The following PTPRD variants were observed in gnomAD, a reference collection of about 807,000 sequenced individuals.
PTPRD encodes the protein protein tyrosine phosphatase receptor type D.
In PTPRD, 34 loss-of-function variants were observed where a neutral mutation model predicts 214.5. The ratio of observed to expected loss-of-function variants is 0.16; its 90% confidence interval spans 0.12 to 0.21. The LOEUF (loss-of-function observed/expected upper bound fraction) is 0.21. PTPRD is among the 10% of genes least tolerant of loss of function. The probability of loss-of-function intolerance (pLI) is 1.00; values close to 1 mark genes in which losing one functional copy is unlikely to be tolerated. For missense variants in PTPRD, 2,545 were observed against 2,398.7 expected (o/e 1.06, Z -1.27); for synonymous variants, 1,128 against 845.7 (o/e 1.33, Z -5.79).
rs190166663 is a variant in PTPRD at position 9,244,385 on chromosome 9, T to C, written c.-202-61022A>G. ...GGCATCACACTACCTGACTTCAAAC[T>C]ATGCTACAAGTCTACAGTAACCAAA... On this transcript the variant is annotated intron_variant, in intron 9 of 45. Coordinates refer to ENST00000381196, the MANE Select transcript of PTPRD (RefSeq NM_002839.4). Among the ~76,000 whole-genome samples the C allele has an allele frequency of 6.7e-3, 1,027 of 152,204 alleles. 11 individuals carry two copies. The highest frequency in any genetic ancestry group is 0.023 in the African/African-American group (958 of 41,542).
intron 2 of PTPRD, among the ~76,000 whole-genome samples, chr9:10,608,013 C>A (rs1037445835): frequency 6.6e-6 from 1 of 151,970 alleles, no homozygotes; most frequent in Non-Finnish European, 1.5e-5. Context: ...GGATATTCAA[C>A]CAACTTTGAT....
intron 10 of PTPRD, among the ~76,000 whole-genome samples, chr9:9,054,168 C>A (rs1047307948): frequency 1.2e-4 from 19 of 152,180 alleles, no homozygotes; most frequent in African/African-American, 4.6e-4. Context: ...TCCTATAAGG[C>A]AAGTTCTGTT....
At chr9:8,590,938 C>G (rs2094051554) in intron 14 of PTPRD, among the ~76,000 whole-genome samples, 1 of 152,176 alleles carries the variant, frequency 6.6e-6, no homozygotes, top group Admixed American at 6.5e-5. Flanking sequence ...GTCAGCAGGA[C>G]TGATGTTAGC....
chr9:9,307,285 T>G (rs1957437876), intron 9 of PTPRD, among the ~76,000 whole-genome samples: 1 of 152,148 alleles, frequency 6.6e-6, no homozygotes, highest in African/African-American at 2.4e-5. Flanking sequence ...TAAATTTGGT[T>G]CAGTTTCTCT....
At chr9:9,992,647 G>C (rs1238404656) in intron 4 of PTPRD, among the ~76,000 whole-genome samples, 1 of 152,210 alleles carries the variant, frequency 6.6e-6, no homozygotes, top group Admixed American at 6.5e-5. Context: ...CATGTCCTTT[G>C]TAGGGACATG....
rs150592466 is a variant in PTPRD, at chr9:8,574,375, A to G, written c.353-45596T>C. Among the ~76,000 whole-genome samples the G allele has an allele frequency of 5.6e-3, 850 of 152,068 alleles. 7 individuals are homozygous for G. The highest frequency in any genetic ancestry group is 0.02 in the Middle Eastern group (6 of 294). On this transcript the variant is annotated intron_variant, in intron 14 of 45. Coordinates refer to ENST00000381196, the MANE Select transcript of PTPRD (RefSeq NM_002839.4). ...GTTATTATAATATTGTCCTCTGATA[A>G]AAACATCTGAACATTTTAATTCATG...
chr9:10,205,364 CTTCTT>C (rs1381950874), intron 3 of PTPRD, among the ~76,000 whole-genome samples: 1 of 149,050 alleles, frequency 6.7e-6, no homozygotes, highest in African/African-American at 2.5e-5. Flanking sequence ...AATTCTTCTT[CTTCTT>C]TATTTTATTT....
At chr9:9,592,687 G>A (rs1168382854) in intron 7 of PTPRD, among the ~76,000 whole-genome samples, 1 of 151,944 alleles carries the variant, frequency 6.6e-6, no homozygotes, top group Non-Finnish European at 1.5e-5. Context: ...TAGCCTACAA[G>A]CAAACAGATG....
At chr9:8,337,039 G>T (rs1241501702) in intron 43 of PTPRD, among the ~76,000 whole-genome samples, 1 of 152,134 alleles carries the variant, frequency 6.6e-6, no homozygotes, top group African/African-American at 2.4e-5. Flanking sequence ...AGACAGTTTG[G>T]TGATTCCTCA....
intron 12 of PTPRD, among the ~76,000 whole-genome samples, chr9:8,650,465 C>T (rs1013200776): frequency 4.2e-5 from 6 of 143,922 alleles, no homozygotes; most frequent in East Asian, 2.1e-4. Context: ...GCAGAGGTTG[C>T]GGTGAGCCGA....
chr9:9,463,763 T>C (rs111485697), intron 8 of PTPRD, among the ~76,000 whole-genome samples: 12 of 152,142 alleles, frequency 7.9e-5, no homozygotes, highest in African/African-American at 2.7e-4. Flanking sequence ...ATAGAGCTGA[T>C]ACTTTTCGTT....
intron 5 of PTPRD, among the ~76,000 whole-genome samples, chr9:9,896,677 C>G (rs2075067511): frequency 1.3e-5 from 2 of 151,966 alleles, no homozygotes; most frequent in Admixed American, 1.3e-4. Flanking sequence ...AGCTAACTGA[C>G]TCATGGATTA....
chr9:9,862,444 G>GAAAAC (rs941734862), intron 5 of PTPRD, among the ~76,000 whole-genome samples: 3 of 152,204 alleles, frequency 2.0e-5, no homozygotes, highest in East Asian at 1.9e-4. Context: ...GATATGAAGT[G>GAAAAC]AAAACAAAAC....
chr9:9,965,167 G>A (rs546739105), intron 4 of PTPRD, among the ~76,000 whole-genome samples: 2 of 152,210 alleles, frequency 1.3e-5, no homozygotes, highest in African/African-American at 4.8e-5. Context: ...CTTAAAAATT[G>A]CAAGAATATT....
intron 9 of PTPRD, among the ~76,000 whole-genome samples, chr9:9,223,041 T>C (rs902027600): frequency 3.3e-5 from 5 of 152,150 alleles, no homozygotes; most frequent in Non-Finnish European, 2.9e-5. Context: ...GTTTTAAATC[T>C]GAACTACAAT....
chr9:10,369,429 G>T (rs1452435923), intron 2 of PTPRD, among the ~76,000 whole-genome samples: 1 of 151,970 alleles, frequency 6.6e-6, no homozygotes, highest in East Asian at 1.9e-4. Context: ...AGACAGTAGT[G>T]AGAGAACAAA....
chr9:8,967,147 A>G (rs2154327691), intron 11 of PTPRD, among the ~76,000 whole-genome samples: 1 of 152,054 alleles, frequency 6.6e-6, no homozygotes, highest in South Asian at 2.1e-4. Flanking sequence ...AAAAAAAACA[A>G]TAGATGTTGG....
chr9:10,303,242 T>G (rs1251453846), intron 3 of PTPRD, among the ~76,000 whole-genome samples: 2 of 152,158 alleles, frequency 1.3e-5, no homozygotes, highest in Admixed American at 6.6e-5. Context: ...TACCAGAATC[T>G]CTGGGACACA....
intron 14 of PTPRD, among the ~76,000 whole-genome samples, chr9:8,532,839 CCT>C (rs962178066): frequency 7.9e-5 from 12 of 151,782 alleles, no homozygotes; most frequent in African/African-American, 2.9e-4. Flanking sequence ...AATATAGCAC[CCT>C]CTTTGAATCT....
Sources: gnomAD v4.1 joint callset for allele counts (sites outside exome capture counted in the v4.1 genomes callset) on GRCh38, gnomAD v4.1.1 for gene constraint, MANE v1.5 for transcripts, NCBI Gene and HGNC (gene_info 2026-07-23, HGNC 2026-07-21) for gene names.